Variants in TENM3 observed in about 807,000 individuals in gnomAD.
The protein encoded by TENM3 is teneurin-3.
In TENM3, 63 loss-of-function variants were observed where a neutral mutation model predicts 255.1. The observed-to-expected ratio is 0.25, with a 90% confidence interval of 0.20 to 0.30. TENM3 has a LOEUF of 0.30. Ranked by LOEUF, TENM3 falls within the 10% of genes least tolerant of loss-of-function variation. TENM3 has a pLI of 1.00. For synonymous variants in TENM3, 1,306 were observed against 1,322.3 expected (o/e 0.99, Z 0.27); for missense variants, 2,929 against 3,461.1 (o/e 0.85, Z 3.86).
the TENM3 span, among the ~76,000 whole-genome samples, chr4:181,725,445 G>A: frequency 0.048 from 5,157 of 106,972 alleles, 133 homozygotes; most frequent in Non-Finnish European, 0.07. Flanking sequence ...TTCTGAAATC[G>A]CCAGCTTTCT....
intron 3 of TENM3, among the ~76,000 whole-genome samples, chr4:182,536,017 A>G (rs1401121180): frequency 6.6e-6 from 1 of 152,190 alleles, no homozygotes; most frequent in Non-Finnish European, 1.5e-5. Context: ...CCTTACAACA[A>G]TGAAGAATTC....
At chr4:182,405,565 C>T (rs925022607) in intron 3 of TENM3, among the ~76,000 whole-genome samples, 4 of 152,250 alleles carry the variant, frequency 2.6e-5, no homozygotes, top group African/African-American at 9.6e-5. Context: ...CTTATCCATC[C>T]GTTTATTTAA....
At chr4:182,356,053 T>A (rs927568281) in intron 3 of TENM3, among the ~76,000 whole-genome samples, 4 of 151,922 alleles carry the variant, frequency 2.6e-5, no homozygotes, top group Non-Finnish European at 5.9e-5. Context: ...GGAGTGAAGC[T>A]AGAATCCTAA....
intron 3 of TENM3, among the ~76,000 whole-genome samples, chr4:182,386,311 A>T (rs987248280): frequency 2.6e-5 from 4 of 152,268 alleles, no homozygotes; most frequent in Non-Finnish European, 4.4e-5. Context: ...AGAAGGGACA[A>T]GAAGTTTTAC....
Position 182,361,943 on chromosome 4 carries a change from C to T in TENM3, c.511+15014C>T, listed in dbSNP as rs184002379. Among the ~76,000 whole-genome samples, 607 of 152,296 alleles carry T rather than the reference C, an allele frequency of 4.0e-3. 3 individuals carry two copies. The highest frequency in any genetic ancestry group is 0.014 in the African/African-American group (589 of 41,560). ...ATAGCTTTCCTTCTGACAGACAGGA[C>T]CCTCAGCTGCAGGTCTGTTGGAGTT... On this transcript the variant is annotated intron_variant, in intron 3 of 27. Transcript: ENST00000511685.
intron 3 of TENM3, among the ~76,000 whole-genome samples, chr4:182,597,011 T>C (rs1439509426): frequency 5.3e-5 from 8 of 152,164 alleles, no homozygotes; most frequent in Admixed American, 5.2e-4. Context: ...TTAAACACTT[T>C]TATAGTCTCC....
the TENM3 span, among the ~76,000 whole-genome samples, chr4:181,766,162 C>T: frequency 2.0e-5 from 3 of 152,170 alleles, no homozygotes; most frequent in Admixed American, 6.5e-5. Flanking sequence ...GGTACAACTT[C>T]CTCATCACGA....
chr4:181,819,256 G>GC, the TENM3 span, among the ~76,000 whole-genome samples: 11 of 150,776 alleles, frequency 7.3e-5, no homozygotes, highest in East Asian at 1.9e-4. Flanking sequence ...AAGTTTTTTT[G>GC]CCCCCCCAAT....
intron 6 of TENM3, among the ~76,000 whole-genome samples, chr4:182,665,688 G>T (rs1299451868): frequency 1.3e-5 from 2 of 152,088 alleles, no homozygotes; most frequent in African/African-American, 4.8e-5. Context: ...GAGGTCAGGA[G>T]ATCGAGACCA....
chr4:181,495,152 C>A, the TENM3 span, among the ~76,000 whole-genome samples: 1 of 152,094 alleles, frequency 6.6e-6, no homozygotes, highest in Non-Finnish European at 1.5e-5. Context: ...TCAAGACAAA[C>A]AGGTTCTTAG....
At chr4:182,280,028 G>T (rs1280787609) in intron 1 of TENM3, among the ~76,000 whole-genome samples, 1 of 152,162 alleles carries the variant, frequency 6.6e-6, no homozygotes, top group Admixed American at 6.5e-5. Flanking sequence ...TGGAGCCATG[G>T]GTAGAATTTT....
At chr4:182,227,598 G>C (rs996154718) in intron 1 of TENM3, among the ~76,000 whole-genome samples, 2 of 149,892 alleles carry the variant, frequency 1.3e-5, no homozygotes, top group African/African-American at 4.9e-5. Context: ...AAGAAGCCTC[G>C]CTTTAGTCTA....
At chr4:182,412,737 C>A (rs1201123976) in intron 3 of TENM3, among the ~76,000 whole-genome samples, 1 of 151,312 alleles carries the variant, frequency 6.6e-6, no homozygotes, top group Admixed American at 6.6e-5. Flanking sequence ...GGTTAGCACT[C>A]ACCTGTAGTC....
intron 3 of TENM3, among the ~76,000 whole-genome samples, chr4:182,414,901 A>G (rs553649610): frequency 1.3e-5 from 2 of 152,330 alleles, no homozygotes; most frequent in African/African-American, 4.8e-5. Flanking sequence ...TCAGCTTTAC[A>G]TTTAATTTTG....
chr4:181,757,647 G>A, the TENM3 span, among the ~76,000 whole-genome samples: 96 of 152,190 alleles, frequency 6.3e-4, no homozygotes, highest in African/African-American at 2.2e-3. Flanking sequence ...GGCAGCAAAA[G>A]GATTACCACT....
At chr4:181,610,650 T>G in the TENM3 span, among the ~76,000 whole-genome samples, 1 of 151,732 alleles carries the variant, frequency 6.6e-6, no homozygotes, top group African/African-American at 2.4e-5. Context: ...AGTTGAAAAA[T>G]TACCTCATAA....
At position 182,384,549 on chromosome 4, in the gene TENM3, C is replaced by T. The variant is rs114722921; in HGVS notation, c.511+37620C>T. Among the ~76,000 whole-genome samples, 404 of 152,232 alleles carry T rather than the reference C, an allele frequency of 2.7e-3. 5 individuals are homozygous for T. Among genetic ancestry groups the T allele is most frequent in the African/African-American group, 9.4e-3 (391 of 41,560 alleles). Reference sequence around the variant, plus strand: ...TGGAATAAATGTGGTACTTTGGTTCCTTTCCATTGACTTTCAAAAACACCA... The same window carrying T: ...TGGAATAAATGTGGTACTTTGGTTCTTTTCCATTGACTTTCAAAAACACCA... On this transcript the variant is annotated intron_variant, in intron 3 of 27. Transcript: ENST00000511685.
At chr4:182,114,310 T>C in the TENM3 span, among the ~76,000 whole-genome samples, 1 of 82,186 alleles carries the variant, frequency 1.2e-5, no homozygotes, top group Non-Finnish European at 2.8e-5. Context: ...ATGAAATGCA[T>C]AGAATTTAGT....
At chr4:181,642,742 C>T in the TENM3 span, among the ~76,000 whole-genome samples, 1 of 152,272 alleles carries the variant, frequency 6.6e-6, no homozygotes, top group East Asian at 1.9e-4. Flanking sequence ...GTTTTCCCAA[C>T]ATCATTTATT....
Sources: gnomAD v4.1 joint callset for allele counts (sites outside exome capture counted in the v4.1 genomes callset) on GRCh38, gnomAD v4.1.1 for gene constraint, MANE v1.5 for transcripts, NCBI Gene and HGNC (gene_info 2026-07-23, HGNC 2026-07-21) for gene names.